The following PRKCH variants were observed in gnomAD, a reference collection of about 807,000 sequenced individuals.
PRKCH encodes the protein protein kinase C eta type.
A neutral mutation model predicts 82.5 loss-of-function variants in PRKCH; 28 were observed. That is an observed-to-expected ratio of 0.34 (90% CI 0.25 to 0.47). The LOEUF is 0.47. Among genes scored for constraint, PRKCH ranks in the 20% least tolerant of loss-of-function variants. The probability of loss-of-function intolerance (pLI) is 1.00; values close to 1 mark genes in which losing one functional copy is unlikely to be tolerated. For synonymous variants in PRKCH, 322 were observed against 327.4 expected, an observed-to-expected ratio of 0.98 and a Z score of 0.18; for missense variants, 705 against 881.8, an observed-to-expected ratio of 0.80 and a Z score of 2.54.
chr14:61,319,356 A>G (rs540673880), upstream of PRKCH, among the ~76,000 whole-genome samples: 1 of 152,022 alleles, frequency 6.6e-6, no homozygotes, highest in Non-Finnish European at 1.5e-5. Context: ...CTTTTCCTTC[A>G]CTGCACCCTC....
intron 1 of PRKCH, among the ~76,000 whole-genome samples, chr14:61,332,306 T>A (rs973953341): frequency 2.6e-5 from 4 of 152,152 alleles, no homozygotes; most frequent in Non-Finnish European, 4.4e-5. Flanking sequence ...GACAGGAAAT[T>A]TTTGTTGAGA....
intron 1 of PRKCH, among the ~76,000 whole-genome samples, chr14:61,217,015 T>C (rs2044620811): frequency 6.6e-6 from 1 of 152,140 alleles, no homozygotes. Context: ...GGCATATACA[T>C]TTGTAAAAAT....
chr14:61,243,346 G>A (rs2044855980), intron 1 of PRKCH, among the ~76,000 whole-genome samples: 2 of 140,688 alleles, frequency 1.4e-5, no homozygotes, highest in Admixed American at 7.6e-5. Flanking sequence ...TGCAATGAAT[G>A]GAGATCGAGC....
At chr14:61,337,171 T>G (rs1456470808) in intron 1 of PRKCH, among the ~76,000 whole-genome samples, 2 of 116,576 alleles carry the variant, frequency 1.7e-5, no homozygotes, top group African/African-American at 3.5e-5. Context: ...TGAGACAGGG[T>G]CTCACTGTGT....
At chr14:61,487,513 A>G (rs1160543544) in intron 10 of PRKCH, among the ~76,000 whole-genome samples, 5 of 152,256 alleles carry the variant, frequency 3.3e-5, no homozygotes, top group Non-Finnish European at 7.4e-5. Flanking sequence ...TCCTCATGCT[A>G]TCAGACTCCA....
intron 2 of PRKCH, among the ~76,000 whole-genome samples, chr14:61,395,653 A>G (rs1201640389): frequency 1.3e-5 from 2 of 152,114 alleles, no homozygotes; most frequent in Non-Finnish European, 2.9e-5. Flanking sequence ...CAAACTATAA[A>G]GTACTATATG....
chr14:61,475,396 G>A (rs1885685900), intron 9 of PRKCH, among the ~76,000 whole-genome samples: 2 of 152,146 alleles, frequency 1.3e-5, no homozygotes, highest in African/African-American at 2.4e-5. Context: ...TTTTGACTAG[G>A]AGGTTTGTTC....
In PRKCH at chr14:61,550,050, T is replaced by G; in HGVS notation, c.*219T>G. 1 of 513,246 alleles carries G rather than the reference T, an allele frequency of 1.9e-6. No individual in the cohort carries two copies. The highest frequency in any genetic ancestry group is 3.4e-6 in the Non-Finnish European group (1 of 294,310). The allele number at this position is 513,246 out of a possible 1,614,324, so 31.8% of individuals were successfully genotyped here. Reference sequence around the variant, plus strand: ...GAAATAGTTGATAATGAAATGAGATTTTATGAAGTATACCGCTCCACCTAT... The same window carrying G: ...GAAATAGTTGATAATGAAATGAGATGTTATGAAGTATACCGCTCCACCTAT... On this transcript the variant is annotated 3_prime_UTR_variant, in exon 14 of 14. Transcript: ENST00000332981.
intron 2 of PRKCH, among the ~76,000 whole-genome samples, chr14:61,430,281 G>A (rs1169493457): frequency 2.6e-5 from 4 of 151,824 alleles, no homozygotes; most frequent in African/African-American, 9.7e-5. Context: ...CCACTAGAAA[G>A]GCTAAAATGA....
intron 1 of PRKCH, among the ~76,000 whole-genome samples, chr14:61,331,054 G>C (rs192161319): frequency 6.6e-6 from 1 of 152,126 alleles, no homozygotes; most frequent in Admixed American, 6.5e-5. Context: ...GCAGCCTATG[G>C]GCTGTGGGTT....
chr14:61,498,925 C>A (rs1886776853), intron 10 of PRKCH, among the ~76,000 whole-genome samples: 1 of 152,174 alleles, frequency 6.6e-6, no homozygotes, highest in Admixed American at 6.5e-5. Flanking sequence ...ACATGTTTTG[C>A]AGCTACTTGG....
At chr14:61,427,675 C>T (rs745920376) in intron 2 of PRKCH, among the ~76,000 whole-genome samples, 4 of 152,166 alleles carry the variant, frequency 2.6e-5, no homozygotes, top group Non-Finnish European at 4.4e-5. Context: ...CAGCTTCAAC[C>T]TTCTGGGCTT....
At chr14:61,523,726 C>A (rs1181483955) in intron 10 of PRKCH, among the ~76,000 whole-genome samples, 1 of 152,206 alleles carries the variant, frequency 6.6e-6, no homozygotes, top group Non-Finnish European at 1.5e-5. Flanking sequence ...GAGCAACAGA[C>A]AAATGGCAGT....
intron 1 of PRKCH, among the ~76,000 whole-genome samples, chr14:61,216,160 G>A (rs2044614953): frequency 6.6e-6 from 1 of 152,034 alleles, no homozygotes; most frequent in Admixed American, 6.6e-5. Context: ...AAAAGCCTGG[G>A]GATAAAAAAA....
At chr14:61,384,760 T>A (rs1452372644) in intron 1 of PRKCH, among the ~76,000 whole-genome samples, 1 of 152,012 alleles carries the variant, frequency 6.6e-6, no homozygotes, top group Non-Finnish European at 1.5e-5. Context: ...GAGTGGCTGC[T>A]GCAAACCAGG....
chr14:61,345,601 G>A (rs1376318112), intron 1 of PRKCH, among the ~76,000 whole-genome samples: 1 of 152,172 alleles, frequency 6.6e-6, no homozygotes, highest in Non-Finnish European at 1.5e-5. Context: ...TACAATAATA[G>A]GAGATACACA....
At chr14:61,459,999 C>T (rs1210106585) in intron 9 of PRKCH, among the ~76,000 whole-genome samples, 1 of 151,948 alleles carries the variant, frequency 6.6e-6, no homozygotes, top group African/African-American at 2.4e-5. Flanking sequence ...CACATGCCAC[C>T]ACACCTGGCT....
At position 61,192,584 on chromosome 14, in the gene PRKCH, G is replaced by A. The variant is rs560070948; in HGVS notation, c.-19+4916G>A. Among the ~76,000 whole-genome samples, 474 of 152,242 alleles carry A rather than the reference G, an allele frequency of 3.1e-3. 2 individuals are homozygous for A. The highest frequency in any genetic ancestry group is 0.01 in the African/African-American group (424 of 41,542). On this transcript the variant is annotated intron_variant, in intron 1 of 3. Transcript: ENST00000555185. ...TAGAGGAGTGTGCAAAAAGGAAACG[G>A]CTGCAGTGTGGCCAGGTGGTCAGGG...
chr14:61,465,763 A>G (rs1199302120), intron 9 of PRKCH, among the ~76,000 whole-genome samples: 3 of 152,198 alleles, frequency 2.0e-5, no homozygotes, highest in African/African-American at 7.2e-5. Context: ...ATGGGGGTAC[A>G]CTTCAATAAT....
Sources: gnomAD v4.1 joint callset for allele counts (sites outside exome capture counted in the v4.1 genomes callset) on GRCh38, gnomAD v4.1.1 for gene constraint, MANE v1.5 for transcripts, NCBI Gene and HGNC (gene_info 2026-07-23, HGNC 2026-07-21) for gene names.